SEC31A: variants seen among roughly 807,000 people sequenced by gnomAD.
The protein encoded by SEC31A is SEC31 homolog A, COPII component.
A neutral mutation model predicts 151.0 loss-of-function variants in SEC31A; 70 were observed. The ratio of observed to expected loss-of-function variants is 0.46; its 90% CI spans 0.38 to 0.57. The LOEUF (loss-of-function observed/expected upper bound fraction) is 0.57, where lower values mean the gene tolerates loss of function less well. Ranked by LOEUF, SEC31A falls within the 20% of genes least tolerant of loss-of-function variation. The pLI is 0.00. For missense variants in SEC31A, 1,330 were observed against 1,471.2 expected, an observed-to-expected ratio of 0.90 and a Z score of 1.57; for synonymous variants, 475 against 505.9, an observed-to-expected ratio of 0.94 and a Z score of 0.82.
chr4:82,871,805 C>T lies in SEC31A; in HGVS notation c.782+139G>A, dbSNP rs538051455. ...AGTGAGCCAAGATCTTGCCACTGCACTCCAGCCTAAGTGACAGAGCAAAAC... is the reference window on the plus strand; with the variant it reads ...AGTGAGCCAAGATCTTGCCACTGCATTCCAGCCTAAGTGACAGAGCAAAAC... On this transcript the variant is annotated intron_variant, in intron 7 of 26. Coordinates refer to ENST00000395310, the MANE Select transcript of SEC31A (RefSeq NM_001077207.4). 1.9e-4 allele frequency: 210 copies of T among 1,080,028 alleles called. 4 individuals carry two copies. In the South Asian group the frequency reaches 3.4e-3, roughly 17 times the overall value. The allele number at this position is 1,080,028 out of a possible 1,614,324, so 66.9% of individuals were successfully genotyped here. A position where few individuals can be genotyped will look rare whatever the true frequency, so the allele number is the denominator to read the frequency against.
At chr4:82,823,234 C>A (rs987839549) in intron 25 of SEC31A, among the ~76,000 whole-genome samples, 1 of 152,192 alleles carries the variant, frequency 6.6e-6, no homozygotes, top group African/African-American at 2.4e-5. Flanking sequence ...GTCTTCCCAA[C>A]CTCTCTATAC....
At chr4:82,893,666 TGAG>T (rs1719937711), upstream of SEC31A, 1 of 152,252 alleles carries the variant, frequency 6.6e-6, no homozygotes, top group Non-Finnish European at 1.5e-5. Flanking sequence ...TAAGTCAACA[TGAG>T]TAGTCACAGA....
At chr4:82,855,375 C>G (rs1732405460) in intron 16 of SEC31A, among the ~76,000 whole-genome samples, 2 of 152,094 alleles carry the variant, frequency 1.3e-5, no homozygotes, top group African/African-American at 4.8e-5. Context: ...TTAACTTCAT[C>G]AAGAAGGAAA....
intron 9 of SEC31A, 74 bp from the exon 10 acceptor site, chr4:82,867,034 A>T: frequency 1.3e-6 from 2 of 1,565,792 alleles, no homozygotes; most frequent in South Asian, 2.4e-5. Flanking sequence ...TATCCAAAAA[A>T]ATTTTTGATC....
chr4:82,824,190 A>C (rs996960904), intron 25 of SEC31A, among the ~76,000 whole-genome samples: 1 of 152,138 alleles, frequency 6.6e-6, no homozygotes, highest in African/African-American at 2.4e-5. Context: ...GAACTCCATA[A>C]AGAATTCTTT....
chr4:82,880,355 T>C (rs1164568399), intron 3 of SEC31A, among the ~76,000 whole-genome samples: 1 of 152,008 alleles, frequency 6.6e-6, no homozygotes, highest in Non-Finnish European at 1.5e-5. Context: ...TTTGGGAGGC[T>C]AAGGTGGGTG....
At chr4:82,877,657 T>A (rs1213195283) in intron 4 of SEC31A, 1 of 152,188 alleles carries the variant, frequency 6.6e-6, no homozygotes, top group Non-Finnish European at 1.5e-5. Flanking sequence ...AAGGCAACAG[T>A]ACAAAGAATC....
At chr4:82,855,063 T>A (rs1164962187) in intron 16 of SEC31A, 34 bp from the exon 17 acceptor site, 1 of 1,552,548 alleles carries the variant, frequency 6.4e-7, no homozygotes, top group Middle Eastern at 1.7e-4. Flanking sequence ...GAATTAAAAG[T>A]CTTTAACATA....
chr4:82,883,095 G>A (rs1326526842), intron 1 of SEC31A, among the ~76,000 whole-genome samples: 1 of 152,154 alleles, frequency 6.6e-6, no homozygotes, highest in Non-Finnish European at 1.5e-5. Flanking sequence ...ACTCCAGCCT[G>A]GGCAACAGAG....
intron 22 of SEC31A, among the ~76,000 whole-genome samples, chr4:82,832,445 C>G (rs1726164761): frequency 6.6e-6 from 1 of 152,098 alleles, no homozygotes; most frequent in Non-Finnish European, 1.5e-5. Context: ...AGACCTAGGA[C>G]CATAAAAATC....
Position 82,878,718 on chromosome 4 carries a change from TAA to T in SEC31A, c.402+10_402+11del. 1.2e-6 allele frequency: 2 copies of T among 1,605,804 alleles called. No individual in the cohort carries two copies. The highest frequency in any genetic ancestry group is 1.1e-5 in the South Asian group (1 of 90,826). On this transcript the variant is annotated intron_variant, in intron 4 of 26. Transcript: ENST00000395310. ...ACATAGTCTAAGAATTATGAAATGT[TAA>T]AGTCTTAACCTGGAAAATGTTCACA...
At chr4:82,889,500 C>G (rs944275624) in intron 1 of SEC31A, among the ~76,000 whole-genome samples, 1 of 145,636 alleles carries the variant, frequency 6.9e-6, no homozygotes, top group African/African-American at 2.5e-5. Context: ...TGAGCTATGA[C>G]TGCACCACTG....
chr4:82,891,524 G>A (rs924103170), upstream of SEC31A, among the ~76,000 whole-genome samples: 1 of 152,246 alleles, frequency 6.6e-6, no homozygotes, highest in Non-Finnish European at 1.5e-5. Context: ...AGTCCTGTGA[G>A]GCGTCGGCAG....
intron 8 of SEC31A, among the ~76,000 whole-genome samples, chr4:82,868,208 C>T (rs1034317942): frequency 6.6e-6 from 1 of 152,178 alleles, no homozygotes; most frequent in East Asian, 1.9e-4. Context: ...TAGAAAATGA[C>T]CTACATGAGG....
intron 10 of SEC31A, 26 bp downstream of exon 10, chr4:82,866,782 G>A: frequency 8.2e-6 from 13 of 1,591,360 alleles, no homozygotes; most frequent in Non-Finnish European, 1.1e-5. Flanking sequence ...TTGTGCCTAT[G>A]GACCATAAAA....
At chr4:82,830,024 A>C (rs768034140) in intron 22 of SEC31A, among the ~76,000 whole-genome samples, 1 of 152,240 alleles carries the variant, frequency 6.6e-6, no homozygotes, top group Non-Finnish European at 1.5e-5. Context: ...TTCCCTTTCC[A>C]ATAAACGTTC....
chr4:82,846,565 C>T, intron 20 of SEC31A, among the ~76,000 whole-genome samples: 1 of 151,768 alleles, frequency 6.6e-6, no homozygotes, highest in Non-Finnish European at 1.5e-5. Flanking sequence ...CAAGACCAAC[C>T]CCTCCTCTTC....
At chr4:82,869,186 C>G (rs888373202) in intron 8 of SEC31A, among the ~76,000 whole-genome samples, 1 of 152,052 alleles carries the variant, frequency 6.6e-6, no homozygotes, top group Non-Finnish European at 1.5e-5. Flanking sequence ...GTGGTGCGAT[C>G]TGGGCTCACT....
At chr4:82,827,773 A>G (rs1724943105) in intron 23 of SEC31A, 141 bp from the exon 24 acceptor site, 2 of 775,878 alleles carry the variant, frequency 2.6e-6, no homozygotes, top group Non-Finnish European at 4.1e-6. Flanking sequence ...TTTCAAATGA[A>G]ATTTTATGCA....
Sources: gnomAD v4.1 joint callset for allele counts (sites outside exome capture counted in the v4.1 genomes callset) on GRCh38, gnomAD v4.1.1 for gene constraint, MANE v1.5 for transcripts, NCBI Gene and HGNC (gene_info 2026-07-23, HGNC 2026-07-21) for gene names.